PPARA: variants seen among roughly 807,000 people sequenced by gnomAD.
The protein encoded by PPARA is peroxisome proliferator-activated receptor alpha.
Under a neutral mutation model 42.2 loss-of-function variants are expected in PPARA, and 22 were observed. The ratio of observed to expected loss-of-function variants is 0.52; its 90% confidence interval spans 0.37 to 0.74. The LOEUF (loss-of-function observed/expected upper bound fraction) is 0.74, where lower values mean the gene tolerates loss of function less well. PPARA is among the 30% of genes least tolerant of loss of function. The probability of loss-of-function intolerance (pLI) is 0.00; values close to 1 mark genes in which losing one functional copy is unlikely to be tolerated. For missense variants in PPARA, 465 were observed against 608.2 expected (o/e 0.76, Z 2.48); for synonymous variants, 242 against 239.3 (o/e 1.01, Z -0.10).
intron 3 of PPARA, among the ~76,000 whole-genome samples, chr22:46,178,861 A>G (rs966305555): frequency 6.6e-6 from 1 of 152,194 alleles, no homozygotes; most frequent in Non-Finnish European, 1.5e-5. Flanking sequence ...TGTACCAATG[A>G]GATAGATCAG....
chr22:46,169,153 C>T (rs544891072), intron 2 of PPARA, among the ~76,000 whole-genome samples: 268 of 152,012 alleles, frequency 1.8e-3, no homozygotes, highest in African/African-American at 5.9e-3. Flanking sequence ...AAATGTACAA[C>T]ACAAAGAGTG....
chr22:46,157,418 C>G (rs562606405), intron 2 of PPARA, among the ~76,000 whole-genome samples: 27 of 152,256 alleles, frequency 1.8e-4, no homozygotes, highest in African/African-American at 3.9e-4. Flanking sequence ...CAGCTTCCCC[C>G]ACACCTAGAC....
rs1005064643 is a variant in PPARA, at chr22:46,211,460, G to T, written c.209-3713G>T. On this transcript the variant is annotated intron_variant, in intron 4 of 8. Coordinates refer to ENST00000407236, the MANE Select transcript of PPARA (RefSeq NM_005036.6). This position sits in a 1 kb window ranked among gnomAD's most constrained non-coding sequence, Gnocchi z 4.1. Reference sequence around the variant, plus strand: ...TTCCAATCATTCCAAATTATTCGGTGCAGCGCCTTTCCGCACCTGCACCCA... The same window carrying T: ...TTCCAATCATTCCAAATTATTCGGTTCAGCGCCTTTCCGCACCTGCACCCA... 3.3e-5 allele frequency among the ~76,000 whole-genome samples: 5 copies of T among 152,194 alleles called. No homozygotes were observed. Among genetic ancestry groups the T allele is most frequent in the Non-Finnish European group, 7.3e-5 (5 of 68,030 alleles).
rs950855719 is a variant in PPARA at position 46,211,126 on chromosome 22, A to G, written c.209-4047A>G. ...CTCTCAGCTGGCAGAGCAAATACATATATGTATACATACTAACCTATGTCT... is the reference window on the plus strand; with the variant it reads ...CTCTCAGCTGGCAGAGCAAATACATGTATGTATACATACTAACCTATGTCT... On this transcript the variant is annotated intron_variant, in intron 4 of 8. Coordinates refer to ENST00000407236, the MANE Select transcript of PPARA (RefSeq NM_005036.6). The surrounding 1 kb of genome is among the most constrained non-coding windows in gnomAD (Gnocchi z 4.1). 6.6e-6 allele frequency among the ~76,000 whole-genome samples: 1 copy of G among 152,166 alleles called. No individual in the cohort carries two copies. Among genetic ancestry groups the G allele is most frequent in the African/African-American group, 2.4e-5 (1 of 41,434 alleles).
Position 46,240,495 on chromosome 22 carries a change from G to A in PPARA, c.*5115G>A, listed in dbSNP as rs1027345725. On this transcript the variant is annotated 3_prime_UTR_variant, in exon 9 of 9. Coordinates refer to ENST00000407236, the MANE Select transcript of PPARA (RefSeq NM_005036.6). This position sits in a 1 kb window ranked among gnomAD's most constrained non-coding sequence, Gnocchi z 6.0. Reference sequence around the variant, plus strand: ...TCACCCTCTGCAGTTAGCATGGTTGGCCTGATGCAGGGATCCCGAGGGATT... The same window carrying A: ...TCACCCTCTGCAGTTAGCATGGTTGACCTGATGCAGGGATCCCGAGGGATT... 48 of 382,104 alleles carry A rather than the reference G, an allele frequency of 1.3e-4. No individual in the cohort carries two copies. Among genetic ancestry groups the A allele is most frequent in the Non-Finnish European group, 1.1e-4 (24 of 216,278 alleles). The allele number at this position is 382,104 out of a possible 1,614,324, so 23.7% of individuals were successfully genotyped here. A position where few individuals can be genotyped will look rare whatever the true frequency, so the allele number is the denominator to read the frequency against.
At chr22:46,218,577 T>C (rs549542963) in intron 6 of PPARA, among the ~76,000 whole-genome samples, 176 bp downstream of exon 6, 13 of 152,196 alleles carry the variant, frequency 8.5e-5, no homozygotes, top group Non-Finnish European at 1.6e-4. Flanking sequence ...TTCACGCCTG[T>C]AATCCCAGCA....
intron 7 of PPARA, among the ~76,000 whole-genome samples, chr22:46,226,631 A>G (rs1255488523): frequency 6.6e-6 from 1 of 152,218 alleles, no homozygotes; most frequent in African/African-American, 2.4e-5. Flanking sequence ...CTAGACTGGC[A>G]TGCAAGTTGG....
rs114125949 is a variant in PPARA at position 46,174,531 on chromosome 22, T to C, written c.-126-2222T>C. On this transcript the variant is annotated intron_variant, in intron 2 of 8. Transcript: ENST00000407236. ...AGATCACCTGTTCTTAAAATACCAC[T>C]GTTGGCCAGACATAGTAACTCACTC... Among the ~76,000 whole-genome samples, 88 of 152,238 alleles carry C rather than the reference T, an allele frequency of 5.8e-4. 1 individual carries two copies. The highest frequency in any genetic ancestry group is 2.0e-3 in the African/African-American group (85 of 41,510).
intron 2 of PPARA, among the ~76,000 whole-genome samples, chr22:46,168,351 CAAA>C (rs35345592): frequency 0.06 from 835 of 14,016 alleles, 1 homozygote; most frequent in African/African-American, 0.18. Flanking sequence ...GACTCCATCT[CAAA>C]AAAAAAAAAA....
In PPARA at chr22:46,196,796, C is replaced by T. The variant is rs1367292029; in HGVS notation, c.-42-1546C>T. ...GGTGTGCAGTGGTGCGACCTCAGCTCACCGCAACCTCCGCCTCCCATGTTC... is the reference window on the plus strand; with the variant it reads ...GGTGTGCAGTGGTGCGACCTCAGCTTACCGCAACCTCCGCCTCCCATGTTC... On this transcript the variant is annotated intron_variant, in intron 3 of 8. Transcript: ENST00000407236. This position sits in a 1 kb window ranked among gnomAD's most constrained non-coding sequence, Gnocchi z 5.6. Among the ~76,000 whole-genome samples, 1 of 152,208 alleles carries T rather than the reference C, an allele frequency of 6.6e-6. No individual in the cohort carries two copies. Among genetic ancestry groups the T allele is most frequent in the Non-Finnish European group, 1.5e-5 (1 of 68,040 alleles).
rs111225851 is a variant in PPARA at position 46,216,383 on chromosome 22, C to CA, written c.369+1064dup. ...AGGCGACAAGAGTAAAACTTCATCT[C>CA]AAAAAAAAAAAAAAGAGAGAAAAGA... On this transcript the variant is annotated intron_variant, in intron 5 of 8. Coordinates refer to ENST00000407236, the MANE Select transcript of PPARA (RefSeq NM_005036.6). This position sits in a 1 kb window ranked among gnomAD's most constrained non-coding sequence, Gnocchi z 4.5. 0.042 allele frequency among the ~76,000 whole-genome samples: 5,539 copies of CA among 131,422 alleles called. 119 individuals are homozygous for CA. Among genetic ancestry groups the CA allele is most frequent in the South Asian group, 0.072 (282 of 3,940 alleles). 86.2% of individuals were successfully genotyped at this position (131,422 alleles called of 152,430 possible). A position where few individuals can be genotyped will look rare whatever the true frequency, so the allele number is the denominator to read the frequency against.
intron 2 of PPARA, among the ~76,000 whole-genome samples, chr22:46,159,882 G>A (rs969995704): frequency 1.3e-5 from 2 of 152,198 alleles, no homozygotes; most frequent in Non-Finnish European, 2.9e-5. Context: ...GATGACTAAT[G>A]ACACTGAGGG....
Position 46,153,307 on chromosome 22 carries a change from T to G in PPARA, c.-127+1337T>G, listed in dbSNP as rs191714105. ...GCCTCAGCCTCCCGAGTAGCTGGGATTACAGGCACTCACCACCACACCCGG... is the reference window on the plus strand; with the variant it reads ...GCCTCAGCCTCCCGAGTAGCTGGGAGTACAGGCACTCACCACCACACCCGG... On this transcript the variant is annotated intron_variant, in intron 2 of 8. Transcript: ENST00000407236. Among the ~76,000 whole-genome samples, 1,107 of 151,512 alleles carry G rather than the reference T, an allele frequency of 7.3e-3. 11 individuals are homozygous for G. The highest frequency in any genetic ancestry group is 0.025 in the African/African-American group (1,033 of 41,288).
At position 46,220,218 on chromosome 22, in the gene PPARA, C is replaced by CA. The variant is rs373668044; in HGVS notation, c.711+207dup. 3.2e-4 allele frequency: 212 copies of CA among 670,468 alleles called. 1 individual carries two copies. The East Asian group carries it at 5.4e-3, about 17-fold the overall frequency. 41.5% of individuals were successfully genotyped at this position (670,468 alleles called of 1,614,324 possible). A position where few individuals can be genotyped will look rare whatever the true frequency, so the allele number is the denominator to read the frequency against. On this transcript the variant is annotated intron_variant, in intron 7 of 8. Coordinates refer to ENST00000407236, the MANE Select transcript of PPARA (RefSeq NM_005036.6). The stretch of plus-strand genomic sequence containing the variant: ...CCTTTCTTCTTGCTTGGAGCCACCT[C>CA]AAAGCTCTTAGCAACTAAGTTATTA...
At chr22:46,228,351 A>C (rs1274618240) in intron 7 of PPARA, among the ~76,000 whole-genome samples, 1 of 152,180 alleles carries the variant, frequency 6.6e-6, no homozygotes, top group African/African-American at 2.4e-5. Context: ...CCTGACCAAC[A>C]TGGTGAAACC....
At chr22:46,159,125 G>A (rs754033080) in intron 2 of PPARA, among the ~76,000 whole-genome samples, 14 of 152,006 alleles carry the variant, frequency 9.2e-5, no homozygotes, top group Non-Finnish European at 1.8e-4. Flanking sequence ...CTCCTGACCT[G>A]AAGTGATCTG....
rs9615264 is a variant in PPARA at position 46,236,692 on chromosome 22, G to A, written c.*1312G>A. ...AGTAGATGCTCTCTGGAGCGCAGAC[G>A]AGGCACATGTGTCTTCATAGCCTGG... On this transcript the variant is annotated 3_prime_UTR_variant, in exon 9 of 9. Transcript: ENST00000407236. This position sits in a 1 kb window ranked among gnomAD's most constrained non-coding sequence, Gnocchi z 5.2. 8,709 of 152,732 alleles carry A rather than the reference G, an allele frequency of 0.057. 337 individuals carry two copies. Among genetic ancestry groups the A allele is most frequent in the Non-Finnish European group, 0.085 (5,808 of 68,038 alleles). 9.5% of individuals were successfully genotyped at this position (152,732 alleles called of 1,614,324 possible). A position where few individuals can be genotyped will look rare whatever the true frequency, so the allele number is the denominator to read the frequency against.
chr22:46,152,643 G>A (rs1012278315), intron 2 of PPARA, among the ~76,000 whole-genome samples: 2 of 152,214 alleles, frequency 1.3e-5, no homozygotes, highest in African/African-American at 2.4e-5. Context: ...ATATTAAGCA[G>A]ATGGCTTCTT....
rs887693156 is a variant in PPARA at position 46,225,268 on chromosome 22, C to T, written c.711+5254C>T. Among the ~76,000 whole-genome samples, 10 of 152,032 alleles carry T rather than the reference C, an allele frequency of 6.6e-5. No individual in the cohort carries two copies. The highest frequency in any genetic ancestry group is 1.2e-4 in the Non-Finnish European group (8 of 68,016). ...CAGGGCCCTTGGTGATGGGGAAGGG[C>T]GCCTCTGGGGAACTCACTGCCCCTT... On this transcript the variant is annotated intron_variant, in intron 7 of 8. Transcript: ENST00000407236. This position sits in a 1 kb window ranked among gnomAD's most constrained non-coding sequence, Gnocchi z 4.1.
Sources: allele counts gnomAD v4.1 joint callset (sites outside exome capture counted in the v4.1 genomes callset), GRCh38; gene constraint gnomAD v4.1.1; non-coding constraint Gnocchi (gnomAD v3.1); transcripts MANE v1.5; gene names NCBI Gene and HGNC (gene_info 2026-07-23, HGNC 2026-07-21).